FSHR: variants seen among roughly 807,000 people sequenced by gnomAD.
FSHR encodes the protein follicle stimulating hormone receptor, also known as follicle-stimulating hormone receptor.
Under a neutral mutation model 52.1 loss-of-function variants are expected in FSHR, and 46 were observed. The observed-to-expected ratio is 0.88, with a 90% CI of 0.70 to 1.13. The LOEUF is 1.13. Ranked by LOEUF, FSHR falls within the 50% of genes most tolerant of loss-of-function variation. The pLI is 0.00. For synonymous variants in FSHR, 399 were observed against 309.6 expected (o/e 1.29, Z -3.03); for missense variants, 964 against 834.6 (o/e 1.16, Z -1.91).
At position 49,154,214 on chromosome 2, in the gene FSHR, G is replaced by T. The variant is rs568935358; in HGVS notation, c.152+52C>A. ...CCTAATGTAAAAATAATAATAGTAC[G>T]CAATGCACAAATGCCAGCCATGCAG... On this transcript the variant is annotated intron_variant, in intron 1 of 9. Coordinates refer to ENST00000406846, the MANE Select transcript of FSHR (RefSeq NM_000145.4). The T allele has an allele frequency of 1.6e-4, 255 of 1,551,740 alleles. 6 individuals are homozygous for T. In the South Asian group the frequency reaches 2.8e-3, roughly 17 times the overall value.
intron 8 of FSHR, among the ~76,000 whole-genome samples, chr2:48,975,996 G>C (rs1351895346): frequency 6.6e-6 from 1 of 152,100 alleles, no homozygotes; most frequent in Admixed American, 6.5e-5. Flanking sequence ...TTGCCTGATT[G>C]TCCTGGCCAG....
chr2:48,972,990 C>G (rs1408351929), intron 8 of FSHR, among the ~76,000 whole-genome samples: 1 of 147,560 alleles, frequency 6.8e-6, no homozygotes, highest in African/African-American at 2.6e-5. Flanking sequence ...TACACTCTTT[C>G]CCATTGCGGG....
intron 8 of FSHR, among the ~76,000 whole-genome samples, chr2:48,972,512 T>C (rs1424442237): frequency 1.3e-5 from 2 of 152,232 alleles, no homozygotes; most frequent in African/African-American, 4.8e-5. Context: ...AACTTTTTTC[T>C]TTGCTACAGG....
At chr2:48,986,449 C>G (rs917712696) in intron 6 of FSHR, among the ~76,000 whole-genome samples, 9 of 145,340 alleles carry the variant, frequency 6.2e-5, no homozygotes, top group Admixed American at 5.6e-4. Context: ...AAGAAAACAC[C>G]CCTGCATCGA....
intron 2 of FSHR, among the ~76,000 whole-genome samples, chr2:49,030,899 C>A (rs1668078082): frequency 6.6e-6 from 1 of 152,148 alleles, no homozygotes; most frequent in South Asian, 2.1e-4. Context: ...CCTGCAAGGT[C>A]AGGAAAAGGA....
intron 1 of FSHR, among the ~76,000 whole-genome samples, chr2:49,136,825 G>T (rs747893729): frequency 6.6e-6 from 1 of 151,814 alleles, no homozygotes; most frequent in Admixed American, 6.6e-5. Flanking sequence ...ACCTTTTCTT[G>T]GTAAGAATAC....
At chr2:49,098,746 ATAT>A (rs1231177048) in intron 1 of FSHR, among the ~76,000 whole-genome samples, 4 of 141,630 alleles carry the variant, frequency 2.8e-5, no homozygotes, top group Non-Finnish European at 4.6e-5. Context: ...ATACTTATAT[ATAT>A]TATTATATAA....
chr2:49,015,808 T>G (rs971843674), intron 4 of FSHR, among the ~76,000 whole-genome samples: 3 of 152,122 alleles, frequency 2.0e-5, no homozygotes, highest in Non-Finnish European at 2.9e-5. Context: ...TAAATAAAAA[T>G]GCAGAGCCTC....
At chr2:49,088,272 C>T (rs1351964834) in intron 1 of FSHR, among the ~76,000 whole-genome samples, 2 of 152,062 alleles carry the variant, frequency 1.3e-5, no homozygotes, top group Non-Finnish European at 2.9e-5. Flanking sequence ...CAAAACAGTT[C>T]TGGAGCTTAG....
At chr2:49,075,842 A>G (rs1604820) in intron 1 of FSHR, among the ~76,000 whole-genome samples, 66,080 of 151,782 alleles carry the variant, frequency 0.44, 14,962 homozygotes, top group African/African-American at 0.56. Flanking sequence ...GTTTTACCAT[A>G]TTGCCCAGGC....
At chr2:48,964,707 C>G (rs1674390215) in intron 9 of FSHR, among the ~76,000 whole-genome samples, 1 of 152,172 alleles carries the variant, frequency 6.6e-6, no homozygotes, top group Non-Finnish European at 1.5e-5. Flanking sequence ...AAGAATGGAA[C>G]TCATCCTCTG....
chr2:49,090,730 A>G (rs1219934607), intron 1 of FSHR, among the ~76,000 whole-genome samples: 1 of 152,126 alleles, frequency 6.6e-6, no homozygotes, highest in Admixed American at 6.6e-5. Context: ...GGTTCTCAGG[A>G]GGTATTTATG....
chr2:49,061,990 C>T (rs938465417), intron 2 of FSHR, among the ~76,000 whole-genome samples: 2 of 151,344 alleles, frequency 1.3e-5, no homozygotes, highest in Non-Finnish European at 2.9e-5. Context: ...ACTGTCAGCA[C>T]TGGAGAGATC....
chr2:49,049,870 TAAAAG>T (rs1379830118), intron 2 of FSHR, among the ~76,000 whole-genome samples: 3 of 148,944 alleles, frequency 2.0e-5, no homozygotes, highest in African/African-American at 5.0e-5. Context: ...CAAACCCAAA[TAAAAG>T]AAAGAAGCAA....
chr2:49,074,293 A>G (rs1288346784), intron 1 of FSHR, among the ~76,000 whole-genome samples: 2 of 152,118 alleles, frequency 1.3e-5, no homozygotes, highest in Non-Finnish European at 2.9e-5. Flanking sequence ...CCCATTTGAC[A>G]GAAGATTAAC....
chr2:48,963,222 G>A lies in FSHR; in HGVS notation c.1599C>T (p.Ser533=). ...DSPLSQLYVM[S]LLVLNVLAFV... ...AGGCCAGGACATTGAGCACAAGGAG[G>A]GACATGACATACAGCTGTGACAAAG... is the stretch of plus-strand genomic sequence containing the variant. Residue 533 remains serine, a synonymous_variant, in exon 10 of 10, where the codon TCC becomes TCT. Coordinates refer to ENST00000406846, the MANE Select transcript of FSHR (RefSeq NM_000145.4). 1 of 1,614,152 alleles carries A rather than the reference G, an allele frequency of 6.2e-7. No individual in the cohort carries two copies. Among genetic ancestry groups the A allele is most frequent in the Non-Finnish European group, 8.5e-7 (1 of 1,180,028 alleles).
intron 8 of FSHR, among the ~76,000 whole-genome samples, chr2:48,975,741 C>G (rs191914113): frequency 1.9e-3 from 296 of 152,236 alleles, no homozygotes; most frequent in Non-Finnish European, 3.5e-3. Context: ...TTTATTCTCT[C>G]TGTAGCAATT....
chr2:49,088,684 G>A (rs1366646368), intron 1 of FSHR, among the ~76,000 whole-genome samples: 2 of 152,260 alleles, frequency 1.3e-5, no homozygotes, highest in East Asian at 3.9e-4. Flanking sequence ...ATGCAATAAT[G>A]TGAGGTGACT....
chr2:49,153,090 G>A (rs1300013939), intron 1 of FSHR, among the ~76,000 whole-genome samples: 4 of 152,206 alleles, frequency 2.6e-5, no homozygotes, highest in African/African-American at 9.7e-5. Flanking sequence ...ATGTTAAGGG[G>A]AAATGTGGCA....
Sources: allele counts gnomAD v4.1 joint callset (sites outside exome capture counted in the v4.1 genomes callset), GRCh38; gene constraint gnomAD v4.1.1; transcripts MANE v1.5; gene names NCBI Gene and HGNC (gene_info 2026-07-23, HGNC 2026-07-21).